The following ZNF568 variants were observed in gnomAD, a reference collection of about 807,000 sequenced individuals.
The protein encoded by ZNF568 is zinc finger protein 568.
A neutral mutation model predicts 18.1 loss-of-function variants in ZNF568; 11 were observed. The ratio of observed to expected loss-of-function variants is 0.61; its 90% CI spans 0.38 to 1.00. The LOEUF is 1.00. Among genes scored for constraint, ZNF568 ranks in the 50% least tolerant of loss-of-function variants. The probability of loss-of-function intolerance (pLI) is 0.01; values close to 1 mark genes in which losing one functional copy is unlikely to be tolerated. For synonymous variants in ZNF568, 213 were observed against 246.6 expected (o/e 0.86, Z 1.28); for missense variants, 639 against 768.2 (o/e 0.83, Z 1.99).
At position 36,951,291 on chromosome 19, in the gene ZNF568, T is replaced by A. The variant is rs2074056757; in HGVS notation, c.*203T>A. 1.2e-5 allele frequency: 5 copies of A among 408,990 alleles called. No homozygotes were observed. The highest frequency in any genetic ancestry group is 1.2e-5 in the Non-Finnish European group (3 of 240,326). 25.3% of individuals were successfully genotyped at this position (408,990 alleles called of 1,614,324 possible). The stretch of plus-strand genomic sequence containing the variant: ...CAATTCTGAAAATCTATAGACTGAA[T>A]GCAGTTCCAAACAAAATCAACTAAG... On this transcript the variant is annotated 3_prime_UTR_variant, in exon 7 of 7. Coordinates refer to ENST00000333987, the MANE Select transcript of ZNF568 (RefSeq NM_198539.4).
chr19:36,994,067 C>T (rs537255071), intron 4 of ZNF568, among the ~76,000 whole-genome samples: 3 of 150,118 alleles, frequency 2.0e-5, no homozygotes, highest in South Asian at 2.1e-4. Context: ...TGTAAATTTC[C>T]CTTTAAGCCC....
exon 5 of ZNF568, chr19:36,996,356 A>G (rs1206428691): frequency 3.1e-5 from 47 of 1,532,770 alleles, no homozygotes; most frequent in Non-Finnish European, 3.8e-5. Context: ...TTATCTCCAA[A>G]GGAAAACATT....
chr19:36,961,393 C>T (rs1317577151), intron 6 of ZNF568, among the ~76,000 whole-genome samples: 2 of 149,296 alleles, frequency 1.3e-5, no homozygotes, highest in Admixed American at 6.7e-5. Flanking sequence ...CATCCTTTTA[C>T]TTTCAGTCTA....
chr19:36,922,428 T>G (rs2073472798), intron 2 of ZNF568, 158 bp from the exon 3 acceptor site: 1 of 191,874 alleles, frequency 5.2e-6, no homozygotes, highest in Non-Finnish European at 1.1e-5. Context: ...TGCAATATCC[T>G]ATTGGTTATG....
exon 5 of ZNF568, chr19:36,996,639 A>G: frequency 6.5e-7 from 1 of 1,535,334 alleles, no homozygotes; most frequent in Non-Finnish European, 8.7e-7. Context: ...CTGAATGTGG[A>G]GAATGTAGGA....
chr19:36,959,082 C>T (rs982943762), intron 6 of ZNF568, among the ~76,000 whole-genome samples: 1 of 152,134 alleles, frequency 6.6e-6, no homozygotes, highest in Non-Finnish European at 1.5e-5. Context: ...TGGTGAAAGT[C>T]GGCATTGTTC....
At chr19:36,960,154 G>T (rs1356513396) in intron 6 of ZNF568, among the ~76,000 whole-genome samples, 3 of 111,558 alleles carry the variant, frequency 2.7e-5, no homozygotes, top group Non-Finnish European at 3.3e-5. Flanking sequence ...TCCTCGCTCT[G>T]TTGCCCAGGC....
chr19:36,963,364 C>T (rs540180972), intron 6 of ZNF568, among the ~76,000 whole-genome samples: 4 of 152,124 alleles, frequency 2.6e-5, no homozygotes, highest in Admixed American at 2.6e-4. Context: ...ATTTTATGTA[C>T]GAACACTGAT....
rs769710437 is a variant in ZNF568 at position 36,936,738 on chromosome 19, T to A, written c.136-8T>A. Reference sequence around the variant, plus strand: ...GACTTCAAATTAATTAGCATTATGTTTTTACAGGAAACAGTGACATTTAAG... The same window carrying A: ...GACTTCAAATTAATTAGCATTATGTATTTACAGGAAACAGTGACATTTAAG... On this transcript the variant is annotated splice_polypyrimidine_tract_variant and splice_region_variant and intron_variant, in intron 4 of 6. Coordinates refer to ENST00000333987, the MANE Select transcript of ZNF568 (RefSeq NM_198539.4). The A allele has an allele frequency of 2.5e-6, 4 of 1,610,308 alleles. No homozygotes were observed. The highest frequency in any genetic ancestry group is 3.4e-6 in the Non-Finnish European group (4 of 1,177,612).
At chr19:36,955,512 A>G (rs559912752), downstream of ZNF568, among the ~76,000 whole-genome samples, 1 of 152,296 alleles carries the variant, frequency 6.6e-6, no homozygotes, top group South Asian at 2.1e-4. Flanking sequence ...GTCTCTGTAA[A>G]TTCATTTTTT....
At chr19:36,923,919 T>C (rs2073501407) in intron 3 of ZNF568, among the ~76,000 whole-genome samples, 1 of 152,104 alleles carries the variant, frequency 6.6e-6, no homozygotes, top group African/African-American at 2.4e-5. Context: ...GTCTGCTCTT[T>C]AGCTTCCCAC....
At chr19:36,948,977 AT>A in intron 6 of ZNF568, among the ~76,000 whole-genome samples, 1 of 152,182 alleles carries the variant, frequency 6.6e-6, no homozygotes, top group South Asian at 2.1e-4. Flanking sequence ...TAGCTTTGCT[AT>A]TCAGTTTATC....
chr19:36,927,055 T>TC (rs1284047735), intron 4 of ZNF568, among the ~76,000 whole-genome samples: 5 of 152,228 alleles, frequency 3.3e-5, no homozygotes, highest in Non-Finnish European at 7.3e-5. Flanking sequence ...TTTAAGAATG[T>TC]CTATTTCAGT....
chr19:36,924,811 G>A (rs1232741453), intron 3 of ZNF568, among the ~76,000 whole-genome samples: 10 of 150,126 alleles, frequency 6.7e-5, no homozygotes, highest in Non-Finnish European at 1.2e-4. Flanking sequence ...AGCCTGGACG[G>A]CAGAGTGAGA....
downstream of ZNF568, chr19:36,997,809 C>A: frequency 1.8e-6 from 1 of 547,484 alleles, no homozygotes; most frequent in South Asian, 2.5e-5. Context: ...TGTGAGACAC[C>A]TTATAAATGT....
chr19:36,934,949 T>G (rs998511007), intron 4 of ZNF568, among the ~76,000 whole-genome samples: 1 of 152,122 alleles, frequency 6.6e-6, no homozygotes, highest in Admixed American at 6.5e-5. Context: ...GCTTTTTTTT[T>G]TTTTAAGAGA....
In ZNF568 at chr19:36,950,967, T is replaced by G; in HGVS notation, c.1814T>G (p.Met605Arg). ...FSQCSLLIIHMRSHTGEKPFE... is the reference protein window; with the variant it reads ...FSQCSLLIIHRRSHTGEKPFE... ...CAGTGCTCATTACTTATTATACATA[T>G]GAGAAGTCATACTGGTGAGAAACCC... The change falls in exon 7 of 7, where the codon ATG becomes AGG. Residue 605 changes from methionine to arginine, a missense_variant. Transcript: ENST00000333987. 1 of 1,613,520 alleles carries G rather than the reference T, an allele frequency of 6.2e-7. No individual in the cohort carries two copies. The highest frequency in any genetic ancestry group is 2.2e-5 in the East Asian group (1 of 44,808).
At chr19:36,979,905 G>A (rs1012963906) in exon 8 of ZNF568, 2 of 151,730 alleles carry the variant, frequency 1.3e-5, no homozygotes, top group African/African-American at 2.4e-5. Flanking sequence ...AAATTTTTAC[G>A]CACTTGGGTA....
chr19:36,980,639 T>C (rs1411350370), downstream of ZNF568, among the ~76,000 whole-genome samples: 1 of 152,166 alleles, frequency 6.6e-6, no homozygotes, highest in Admixed American at 6.5e-5. Context: ...TTCACAGTCA[T>C]ATTTATAACA....
Sources: allele counts gnomAD v4.1 joint callset (sites outside exome capture counted in the v4.1 genomes callset), GRCh38; gene constraint gnomAD v4.1.1; transcripts MANE v1.5; gene names NCBI Gene and HGNC (gene_info 2026-07-23, HGNC 2026-07-21).